CALD1: variants seen among roughly 807,000 people sequenced by gnomAD.
CALD1 encodes caldesmon.
In CALD1, 33 loss-of-function variants were observed where a neutral mutation model predicts 99.9. The ratio of observed to expected loss-of-function variants is 0.33; its 90% confidence interval spans 0.25 to 0.44. The LOEUF is 0.44. Among genes scored for constraint, CALD1 ranks in the 20% least tolerant of loss-of-function variants. The probability of loss-of-function intolerance (pLI) is 1.00; values close to 1 mark genes in which losing one functional copy is unlikely to be tolerated. For missense variants in CALD1, 861 were observed against 962.1 expected (o/e 0.89, Z 1.39); for synonymous variants, 310 against 325.0 (o/e 0.95, Z 0.50).
intron 1 of CALD1, among the ~76,000 whole-genome samples, chr7:134,836,960 G>A (rs776739690): frequency 1.3e-5 from 2 of 152,052 alleles, no homozygotes; most frequent in Non-Finnish European, 2.9e-5. Flanking sequence ...AGGAGAAAAG[G>A]CTGCAATGAT....
At chr7:134,944,649 G>T (rs1306531563) in intron 7 of CALD1, 1 of 152,106 alleles carries the variant, frequency 6.6e-6, no homozygotes, top group East Asian at 1.9e-4. Context: ...TGTAGTAAAT[G>T]ATGTTAGGGT....
intron 3 of CALD1, among the ~76,000 whole-genome samples, chr7:134,892,035 C>G (rs182681042): frequency 6.6e-6 from 1 of 152,188 alleles, no homozygotes; most frequent in African/African-American, 2.4e-5. Context: ...GCCCTCCGTT[C>G]AGAATGATCC....
chr7:134,728,335 A>G, the CALD1 span, among the ~76,000 whole-genome samples: 2 of 152,172 alleles, frequency 1.3e-5, no homozygotes, highest in African/African-American at 4.8e-5. Flanking sequence ...ACGTGGTAGA[A>G]GATTTATGGA....
At chr7:134,863,554 C>G (rs1313331888) in intron 2 of CALD1, among the ~76,000 whole-genome samples, 2 of 152,246 alleles carry the variant, frequency 1.3e-5, no homozygotes, top group Non-Finnish European at 2.9e-5. Context: ...TGAGCATACC[C>G]ACACACACCT....
chr7:134,812,594 A>G (rs1432961873), intron 1 of CALD1, among the ~76,000 whole-genome samples: 2 of 152,144 alleles, frequency 1.3e-5, no homozygotes, highest in African/African-American at 4.8e-5. Context: ...AAAAAAAAAA[A>G]AAAAATGAGC....
At chr7:134,885,345 C>A (rs1801805080) in intron 3 of CALD1, among the ~76,000 whole-genome samples, 1 of 152,110 alleles carries the variant, frequency 6.6e-6, no homozygotes, top group Non-Finnish European at 1.5e-5. Flanking sequence ...AAATAATAAG[C>A]ACAACACCTA....
chr7:134,787,193 CT>C (rs1313773443), intron 1 of CALD1, among the ~76,000 whole-genome samples: 1 of 151,764 alleles, frequency 6.6e-6, no homozygotes. Context: ...TTTAGTTTTG[CT>C]TTTTTTTCAG....
At chr7:134,836,454 A>T (rs1799444754) in intron 1 of CALD1, among the ~76,000 whole-genome samples, 1 of 152,220 alleles carries the variant, frequency 6.6e-6, no homozygotes, top group African/African-American at 2.4e-5. Flanking sequence ...GATAATGATG[A>T]CAGTGGTAGT....
At chr7:134,891,299 G>C in intron 3 of CALD1, 8 of 926,516 alleles carry the variant, frequency 8.6e-6, no homozygotes, top group Non-Finnish European at 9.5e-6. Context: ...TGGAACTCCC[G>C]AAGCAATCAG....
At chr7:134,928,054 A>T in intron 3 of CALD1, 1 of 300,802 alleles carries the variant, frequency 3.3e-6, no homozygotes, top group Non-Finnish European at 7.1e-6. Context: ...GACAGTGTCT[A>T]CACAAATAAC....
intron 11 of CALD1, among the ~76,000 whole-genome samples, chr7:134,959,030 G>A (rs183333627): frequency 2.0e-5 from 3 of 150,844 alleles, no homozygotes; most frequent in East Asian, 3.9e-4. Flanking sequence ...CCAATTGTGT[G>A]CCATGCTTTA....
chr7:134,726,914 C>A, the CALD1 span, among the ~76,000 whole-genome samples: 3 of 152,232 alleles, frequency 2.0e-5, no homozygotes, highest in Non-Finnish European at 4.4e-5. Flanking sequence ...CACTCCACAT[C>A]TGGTGCTCCT....
chr7:134,967,256 G>A (rs758573104), intron 14 of CALD1, among the ~76,000 whole-genome samples: 1 of 152,138 alleles, frequency 6.6e-6, no homozygotes, highest in Non-Finnish European at 1.5e-5. Context: ...GAGTTTTCAT[G>A]TGCCACTAAC....
chr7:134,726,495 C>G, the CALD1 span, among the ~76,000 whole-genome samples: 917 of 129,968 alleles, frequency 7.1e-3, 39 homozygotes, highest in African/African-American at 0.026. Context: ...TATTATATAG[C>G]TTTAGATATA....
chr7:134,942,188 C>T (rs1290810905), intron 7 of CALD1, among the ~76,000 whole-genome samples: 4 of 152,146 alleles, frequency 2.6e-5, no homozygotes, highest in African/African-American at 9.7e-5. Flanking sequence ...TGTTCCTTGG[C>T]TGCAGGCTTG....
intron 2 of CALD1, among the ~76,000 whole-genome samples, chr7:134,850,350 C>T (rs1451384150): frequency 6.6e-6 from 1 of 152,174 alleles, no homozygotes; most frequent in African/African-American, 2.4e-5. Flanking sequence ...TGAGATGTAA[C>T]AGAGTGTTGT....
intron 3 of CALD1, among the ~76,000 whole-genome samples, chr7:134,880,840 T>G (rs944113247): frequency 1.3e-5 from 2 of 152,218 alleles, no homozygotes; most frequent in Non-Finnish European, 2.9e-5. Context: ...TGAGCCAGCA[T>G]CTTCATAGCA....
the CALD1 span, among the ~76,000 whole-genome samples, chr7:134,719,719 T>C: frequency 6.6e-6 from 1 of 152,118 alleles, no homozygotes; most frequent in Non-Finnish European, 1.5e-5. Flanking sequence ...CTTGTGTGTG[T>C]GCAAAAAAGA....
At chr7:134,850,965 C>T (rs758810697) in intron 2 of CALD1, among the ~76,000 whole-genome samples, 6 of 152,264 alleles carry the variant, frequency 3.9e-5, no homozygotes, top group South Asian at 2.1e-4. Flanking sequence ...CCATGTAAGA[C>T]GTCCCTTTGC....
Sources: allele counts gnomAD v4.1 joint callset (sites outside exome capture counted in the v4.1 genomes callset), GRCh38; gene constraint gnomAD v4.1.1; transcripts MANE v1.5; gene names NCBI Gene and HGNC (gene_info 2026-07-23, HGNC 2026-07-21).